ZNF331: variants seen among roughly 807,000 people sequenced by gnomAD.
ZNF331 encodes the protein C2H2-like zinc finger protein rearranged in thyroid adenomas.
ZNF331 carries 2 observed loss-of-function variants against 7.0 expected under a neutral mutation model. The observed-to-expected ratio is 0.29, with a 90% CI of 0.12 to 0.90. The LOEUF (loss-of-function observed/expected upper bound fraction) is 0.90. ZNF331 is among the 40% of genes least tolerant of loss of function. The pLI is 0.58. For missense variants in ZNF331, 432 were observed against 587.7 expected (o/e 0.74, Z 2.74); for synonymous variants, 196 against 205.4 (o/e 0.95, Z 0.39).
chr19:53,544,733 T>C (rs1338166199), intron 2 of ZNF331, among the ~76,000 whole-genome samples: 1 of 151,468 alleles, frequency 6.6e-6, no homozygotes, highest in Admixed American at 6.6e-5. Flanking sequence ...TGTACTGCAG[T>C]TTTGTTTTTC....
At chr19:53,557,563 A>G (rs2089514932) in intron 3 of ZNF331, among the ~76,000 whole-genome samples, 1 of 152,198 alleles carries the variant, frequency 6.6e-6, no homozygotes, top group African/African-American at 2.4e-5. Context: ...TAGTTTTGTC[A>G]GGTATCTTCA....
At chr19:53,522,751 G>T (rs1227194797) in intron 2 of ZNF331, 2 of 152,088 alleles carry the variant, frequency 1.3e-5, no homozygotes, top group African/African-American at 4.8e-5. Context: ...ACTTTCCTTG[G>T]GCCCATTTCT....
chr19:53,515,707 G>T (rs2086889499), upstream of ZNF331, among the ~76,000 whole-genome samples: 1 of 152,104 alleles, frequency 6.6e-6, no homozygotes, highest in Non-Finnish European at 1.5e-5. Context: ...GTGTTGGTCA[G>T]GCTGGTCTCA....
chr19:53,516,042 CAGAA>C (rs1173488383), upstream of ZNF331, among the ~76,000 whole-genome samples: 7 of 152,278 alleles, frequency 4.6e-5, no homozygotes, highest in East Asian at 5.8e-4. Context: ...AAGGAAGACA[CAGAA>C]AGAGAAATAT....
chr19:53,561,771 T>G (rs906777720), intron 3 of ZNF331, among the ~76,000 whole-genome samples: 2 of 152,098 alleles, frequency 1.3e-5, no homozygotes, highest in Non-Finnish European at 2.9e-5. Context: ...GAGGATCCCT[T>G]CAGCCCAAGA....
intron 2 of ZNF331, among the ~76,000 whole-genome samples, chr19:53,553,840 C>T (rs1189309186): frequency 2.0e-5 from 3 of 152,186 alleles, no homozygotes; most frequent in Non-Finnish European, 4.4e-5. Flanking sequence ...CCCGGCATCA[C>T]CCCACTCAGA....
In ZNF331 at chr19:53,577,388, T is replaced by C; in HGVS notation, c.828T>C (p.Cys276=). Residue 276 remains cysteine (C), a synonymous_variant, in exon 6 of 6, where the codon TGT becomes TGC. Transcript: ENST00000449416. ...AGAAGCCTTACGAGTGTAAAGACTG[T>C]GGGAAGGCTTTTATTTGTGGTTCAA... ...SGEKPYECKD[C]GKAFICGSSL... The C allele has an allele frequency of 1.2e-6, 2 of 1,614,148 alleles. No individual in the cohort carries two copies. The highest frequency in any genetic ancestry group is 2.2e-5 in the South Asian group (2 of 91,090).
intron 3 of ZNF331, among the ~76,000 whole-genome samples, chr19:53,563,321 C>T (rs979889601): frequency 6.6e-6 from 1 of 151,972 alleles, no homozygotes. Flanking sequence ...CTCCTGACCT[C>T]GTAATCCACC....
intron 2 of ZNF331, among the ~76,000 whole-genome samples, chr19:53,546,238 A>G (rs187174320): frequency 1.3e-5 from 2 of 151,966 alleles, no homozygotes; most frequent in East Asian, 1.9e-4. Context: ...GCACTGACCT[A>G]ATATTATATA....
intron 3 of ZNF331, among the ~76,000 whole-genome samples, chr19:53,566,481 T>G (rs2090162264): frequency 6.6e-6 from 1 of 152,102 alleles, no homozygotes; most frequent in South Asian, 2.1e-4. Context: ...TAGTGCAAGG[T>G]TTTGATCAGG....
At chr19:53,541,297 G>T (rs1403767873) in intron 2 of ZNF331, among the ~76,000 whole-genome samples, 2 of 151,924 alleles carry the variant, frequency 1.3e-5, no homozygotes, top group Non-Finnish European at 2.9e-5. Flanking sequence ...TAGAGACGGG[G>T]TTTCTCTTTT....
chr19:53,544,879 T>A (rs2088486812), intron 2 of ZNF331, among the ~76,000 whole-genome samples: 1 of 151,840 alleles, frequency 6.6e-6, no homozygotes, highest in Admixed American at 6.6e-5. Flanking sequence ...GATTACAGGC[T>A]CCCACCACCA....
chr19:53,541,293 C>T (rs527809509), intron 2 of ZNF331, among the ~76,000 whole-genome samples: 3 of 151,834 alleles, frequency 2.0e-5, no homozygotes, highest in Non-Finnish European at 2.9e-5. Context: ...TTAGTAGAGA[C>T]GGGGTTTCTC....
upstream of ZNF331, among the ~76,000 whole-genome samples, chr19:53,536,125 T>G (rs2087738130): frequency 1.3e-5 from 2 of 152,174 alleles, no homozygotes; most frequent in Admixed American, 1.3e-4. Flanking sequence ...TTAAACTAGA[T>G]TTTTTAAGGA....
chr19:53,516,448 C>CA (rs34986946), upstream of ZNF331, among the ~76,000 whole-genome samples: 219 of 120,330 alleles, frequency 1.8e-3, no homozygotes, highest in East Asian at 4.1e-3. Context: ...GACTCCATCT[C>CA]AAAAAAAAAA....
chr19:53,569,346 G>A lies in ZNF331; in HGVS notation c.-31G>A, dbSNP rs1328797038. The A allele has an allele frequency of 6.2e-7, 1 of 1,613,208 alleles. No individual in the cohort carries two copies. The highest frequency in any genetic ancestry group is 8.5e-7 in the Non-Finnish European group (1 of 1,179,536). On this transcript the variant is annotated 5_prime_UTR_variant, in exon 4 of 6. Transcript: ENST00000449416. ...TTGTCTTCTTCAGTGGAAACCCCGAGAAGACTGATCAGTTCTTCAGTTCTA... is the reference window on the plus strand; with the variant it reads ...TTGTCTTCTTCAGTGGAAACCCCGAAAAGACTGATCAGTTCTTCAGTTCTA...
chr19:53,526,529 A>G (rs10406622), intron 2 of ZNF331, among the ~76,000 whole-genome samples: 18,239 of 151,220 alleles, frequency 0.12, 1,137 homozygotes, highest in East Asian at 0.18. Context: ...CTTCTACATT[A>G]TTCAATTTTT....
chr19:53,568,556 G>T (rs1216476743), intron 3 of ZNF331, among the ~76,000 whole-genome samples: 1 of 152,076 alleles, frequency 6.6e-6, no homozygotes, highest in African/African-American at 2.4e-5. Context: ...AGTATTTCTG[G>T]CATAGCAAGC....
chr19:53,518,066 G>A (rs1354542498), upstream of ZNF331, among the ~76,000 whole-genome samples: 1 of 152,214 alleles, frequency 6.6e-6, no homozygotes, highest in Non-Finnish European at 1.5e-5. Context: ...GTTTGAGTCA[G>A]TGGATGGAGA....
Sources: gnomAD v4.1 joint callset for allele counts (sites outside exome capture counted in the v4.1 genomes callset) on GRCh38, gnomAD v4.1.1 for gene constraint, MANE v1.5 for transcripts, NCBI Gene and HGNC (gene_info 2026-07-23, HGNC 2026-07-21) for gene names.